Variants in LRCH1 observed in about 807,000 individuals in gnomAD.
LRCH1 encodes the protein leucine-rich repeat and calponin homology domain-containing protein 1.
LRCH1 carries 23 observed loss-of-function variants against 94.9 expected under a neutral mutation model. The observed-to-expected ratio is 0.24, with a 90% CI of 0.17 to 0.34. The LOEUF (loss-of-function observed/expected upper bound fraction) is 0.34. Among genes scored for constraint, LRCH1 ranks in the 10% least tolerant of loss-of-function variants. The probability of loss-of-function intolerance (pLI) is 1.00; values close to 1 mark genes in which losing one functional copy is unlikely to be tolerated. For missense variants in LRCH1, 790 were observed against 945.9 expected, an observed-to-expected ratio of 0.84 and a Z score of 2.16; for synonymous variants, 364 against 354.9, an observed-to-expected ratio of 1.03 and a Z score of -0.29.
chr13:46,733,378 C>A (rs1873208508), intron 18 of LRCH1, among the ~76,000 whole-genome samples: 1 of 152,100 alleles, frequency 6.6e-6, no homozygotes, highest in African/African-American at 2.4e-5. Flanking sequence ...CTCTATATCC[C>A]TGGCTTTGGT....
chr13:46,576,142 A>G (rs1453437856), intron 1 of LRCH1, among the ~76,000 whole-genome samples: 1 of 152,236 alleles, frequency 6.6e-6, no homozygotes, highest in African/African-American at 2.4e-5. Context: ...GGAGAAAGCC[A>G]GCTGGATTAG....
intron 3 of LRCH1, among the ~76,000 whole-genome samples, chr13:46,679,180 C>T (rs1237062722): frequency 6.6e-6 from 1 of 152,236 alleles, no homozygotes; most frequent in East Asian, 1.9e-4. Flanking sequence ...CCCATTTCTC[C>T]TGCCAACAAC....
intron 8 of LRCH1, among the ~76,000 whole-genome samples, chr13:46,694,047 G>T (rs932771947): frequency 6.6e-6 from 1 of 152,170 alleles, no homozygotes; most frequent in Non-Finnish European, 1.5e-5. Flanking sequence ...AAACATAGCT[G>T]TATGCTTTAT....
At chr13:46,573,866 A>ATATATATATATTTT in intron 1 of LRCH1, among the ~76,000 whole-genome samples, 12 of 63,392 alleles carry the variant, frequency 1.9e-4, no homozygotes, top group South Asian at 6.7e-4. Context: ...ATATATATAT[A>ATATATATATATTTT]TTTTTTTTTT....
intron 1 of LRCH1, among the ~76,000 whole-genome samples, chr13:46,646,289 C>T (rs956782841): frequency 1.5e-4 from 23 of 152,238 alleles, no homozygotes; most frequent in Middle Eastern, 3.4e-3. Flanking sequence ...TACACACATA[C>T]ACACAATTAC....
At chr13:46,583,187 T>G (rs1686395549) in intron 1 of LRCH1, among the ~76,000 whole-genome samples, 1 of 152,200 alleles carries the variant, frequency 6.6e-6, no homozygotes, top group African/African-American at 2.4e-5. Context: ...CCAAAACAAG[T>G]CGATTCTAGC....
At chr13:46,661,343 T>C (rs375895937) in intron 2 of LRCH1, among the ~76,000 whole-genome samples, 1 of 152,320 alleles carries the variant, frequency 6.6e-6, no homozygotes, top group East Asian at 1.9e-4. Flanking sequence ...TACAAGATGG[T>C]TGTGAATATA....
chr13:46,635,467 CTTTT>C (rs35362550), intron 1 of LRCH1, among the ~76,000 whole-genome samples: 4 of 96,634 alleles, frequency 4.1e-5, no homozygotes, highest in African/African-American at 1.7e-4. Flanking sequence ...CCCCTCCCAC[CTTTT>C]TTTTTTTTTT....
chr13:46,632,831 G>T (rs2051035543), intron 1 of LRCH1, among the ~76,000 whole-genome samples: 1 of 152,186 alleles, frequency 6.6e-6, no homozygotes, highest in African/African-American at 2.4e-5. Context: ...TTTTGGAAAT[G>T]ATATGTTTGA....
chr13:46,740,467 A>G (rs577388010), intron 19 of LRCH1, among the ~76,000 whole-genome samples: 1 of 152,352 alleles, frequency 6.6e-6, no homozygotes, highest in East Asian at 1.9e-4. Flanking sequence ...GACACAAGTG[A>G]GGCAAAACTT....
intron 17 of LRCH1, among the ~76,000 whole-genome samples, chr13:46,725,215 G>A (rs2138222525): frequency 7.0e-6 from 1 of 143,580 alleles, no homozygotes; most frequent in South Asian, 2.1e-4. Flanking sequence ...GGGAGAGATA[G>A]GGGGTGAGGG....
chr13:46,711,767 C>T, intron 13 of LRCH1, 24 bp from the exon 14 acceptor site: 1 of 1,601,200 alleles, frequency 6.2e-7, no homozygotes, highest in Non-Finnish European at 8.5e-7. Context: ...TGGAACATAC[C>T]ATGCTTTGTT....
At chr13:46,575,739 A>G (rs898759921) in intron 1 of LRCH1, among the ~76,000 whole-genome samples, 1 of 152,222 alleles carries the variant, frequency 6.6e-6, no homozygotes. Flanking sequence ...TGAATGATAC[A>G]GAAACCATTG....
At position 46,667,720 on chromosome 13, in the gene LRCH1, A is replaced by T. The variant is rs1374568085; in HGVS notation, c.453-1310A>T. Among the ~76,000 whole-genome samples the T allele has an allele frequency of 4.6e-5, 7 of 152,246 alleles. 1 individual carries two copies. Among genetic ancestry groups the T allele is most frequent in the African/African-American group, 1.7e-4 (7 of 41,464 alleles). ...AAAATAAAGAATTTTCACAAATAGG[A>T]GCACTCGTAACACATATCCAGGTCA... On this transcript the variant is annotated intron_variant, in intron 2 of 19. Transcript: ENST00000389797.
At chr13:46,647,508 T>C (rs1566197874) in intron 1 of LRCH1, among the ~76,000 whole-genome samples, 4 of 152,206 alleles carry the variant, frequency 2.6e-5, no homozygotes, top group Non-Finnish European at 5.9e-5. Flanking sequence ...TTTCTGTTTA[T>C]AAAAAATTTG....
chr13:46,555,855 G>A (rs553039932), intron 1 of LRCH1, among the ~76,000 whole-genome samples: 21 of 152,298 alleles, frequency 1.4e-4, no homozygotes, highest in African/African-American at 4.8e-4. Flanking sequence ...AAAGCTAGGT[G>A]TAAACCACAT....
At chr13:46,698,433 AC>A (rs1176726901) in intron 9 of LRCH1, among the ~76,000 whole-genome samples, 1 of 151,982 alleles carries the variant, frequency 6.6e-6, no homozygotes, top group Non-Finnish European at 1.5e-5. Flanking sequence ...CAGTGTCACT[AC>A]ATTGCCGCTT....
chr13:46,652,395 G>GTTTTTTTTGT (rs2051318330), intron 2 of LRCH1, among the ~76,000 whole-genome samples: 1 of 146,644 alleles, frequency 6.8e-6, no homozygotes, highest in South Asian at 2.1e-4. Flanking sequence ...TGTTTTTTTT[G>GTTTTTTTTGT]TTTTTTTTTT....
At chr13:46,735,306 T>C (rs1873316418) in intron 19 of LRCH1, among the ~76,000 whole-genome samples, 1 of 152,250 alleles carries the variant, frequency 6.6e-6, no homozygotes, top group Non-Finnish European at 1.5e-5. Context: ...TTCTAATGAT[T>C]TGATTCTGTC....
Sources: allele counts gnomAD v4.1 joint callset (sites outside exome capture counted in the v4.1 genomes callset), GRCh38; gene constraint gnomAD v4.1.1; transcripts MANE v1.5; gene names NCBI Gene and HGNC (gene_info 2026-07-23, HGNC 2026-07-21).